Variants in NARS2 observed in about 807,000 individuals in gnomAD.
The protein encoded by NARS2 is asparaginyl-tRNA synthetase.
In NARS2, 60 loss-of-function variants were observed where a neutral mutation model predicts 62.9. The observed-to-expected ratio is 0.95, with a 90% CI of 0.77 to 1.18. NARS2 has a LOEUF of 1.18. NARS2 is among the 50% of genes most tolerant of loss of function. The probability of loss-of-function intolerance (pLI) is 0.00; values close to 1 mark genes in which losing one functional copy is unlikely to be tolerated. For missense variants in NARS2, 619 were observed against 576.4 expected, an observed-to-expected ratio of 1.07 and a Z score of -0.76; for synonymous variants, 196 against 200.0, an observed-to-expected ratio of 0.98 and a Z score of 0.17.
intron 6 of NARS2, among the ~76,000 whole-genome samples, chr11:78,526,586 C>T (rs1861301091): frequency 6.6e-6 from 1 of 152,094 alleles, no homozygotes; most frequent in South Asian, 2.1e-4. Context: ...AAACTAGGAA[C>T]ATTTGAATGA....
At chr11:78,511,104 G>A (rs989910555) in intron 6 of NARS2, among the ~76,000 whole-genome samples, 2 of 152,022 alleles carry the variant, frequency 1.3e-5, no homozygotes, top group African/African-American at 4.8e-5. Flanking sequence ...TTCAGACAGG[G>A]TCTTATTCTA....
intron 6 of NARS2, among the ~76,000 whole-genome samples, chr11:78,504,802 G>A (rs945647627): frequency 7.9e-5 from 12 of 151,950 alleles, no homozygotes; most frequent in South Asian, 2.1e-4. Context: ...TAATCTGTTC[G>A]TATCTATCAA....
intron 3 of NARS2, 76 bp downstream of exon 3, chr11:78,568,556 T>C: frequency 6.8e-7 from 1 of 1,469,162 alleles, no homozygotes; most frequent in East Asian, 2.3e-5. Flanking sequence ...TTCATCTTCC[T>C]AATAATCACA....
At chr11:78,482,981 A>G (rs552542745) in intron 7 of NARS2, among the ~76,000 whole-genome samples, 110 of 152,324 alleles carry the variant, frequency 7.2e-4, no homozygotes, top group African/African-American at 2.6e-3. Flanking sequence ...ATCAATACGA[A>G]AATCCTTAAT....
intron 6 of NARS2, among the ~76,000 whole-genome samples, chr11:78,522,280 A>T (rs879665209): frequency 2.0e-5 from 3 of 152,092 alleles, no homozygotes; most frequent in Non-Finnish European, 4.4e-5. Context: ...TCTAATGATG[A>T]TGGTAAAATT....
intron 5 of NARS2, among the ~76,000 whole-genome samples, chr11:78,541,194 T>C (rs1211256436): frequency 6.6e-6 from 1 of 152,180 alleles, no homozygotes; most frequent in Non-Finnish European, 1.5e-5. Flanking sequence ...TTCCCTCTTG[T>C]AAAAGATGCT....
intron 4 of NARS2, among the ~76,000 whole-genome samples, chr11:78,561,376 T>C (rs756820240): frequency 1.3e-5 from 2 of 152,194 alleles, no homozygotes; most frequent in Non-Finnish European, 2.9e-5. Context: ...GTGCCTCAAA[T>C]AGGTTTCCAG....
intron 7 of NARS2, among the ~76,000 whole-genome samples, 154 bp downstream of exon 7, chr11:78,492,909 A>G (rs1345669318): frequency 6.6e-6 from 1 of 152,212 alleles, no homozygotes; most frequent in East Asian, 1.9e-4. Context: ...ATTTTAAACT[A>G]TTACAGTAAA....
intron 6 of NARS2, among the ~76,000 whole-genome samples, chr11:78,510,015 A>G (rs1860660230): frequency 6.6e-6 from 1 of 152,096 alleles, no homozygotes; most frequent in African/African-American, 2.4e-5. Context: ...AGAAATTTAA[A>G]TGTTTCCCTA....
At chr11:78,474,541 T>C (rs1044934582) in intron 9 of NARS2, among the ~76,000 whole-genome samples, 1 of 152,174 alleles carries the variant, frequency 6.6e-6, no homozygotes, top group Non-Finnish European at 1.5e-5. Context: ...CCTCAGTGAC[T>C]GAAATAAATA....
At chr11:78,442,997 TGA>T (rs1224799225) in intron 12 of NARS2, among the ~76,000 whole-genome samples, 1 of 152,066 alleles carries the variant, frequency 6.6e-6, no homozygotes, top group Non-Finnish European at 1.5e-5. Context: ...CAATCATAAT[TGA>T]GAGTAAATAA....
At chr11:78,550,018 G>A (rs925036744) in intron 5 of NARS2, among the ~76,000 whole-genome samples, 15 of 152,148 alleles carry the variant, frequency 9.9e-5, no homozygotes, top group African/African-American at 3.4e-4. Context: ...CATAAAAGAC[G>A]TCCAACATCC....
In NARS2 at chr11:78,493,182, C is replaced by T. The variant is rs529341026; in HGVS notation, c.703G>A (p.Val235Met). 1.2e-6 allele frequency: 2 copies of T among 1,613,200 alleles called. No individual in the cohort carries two copies. Among genetic ancestry groups the T allele is most frequent in the Non-Finnish European group, 1.7e-6 (2 of 1,179,798 alleles). ...LEVMSGAFTQ[V>M]FTFGPTFRAE... is the part of the protein sequence containing the mutation. ...CGGAAGGTCGGACCAAAGGTAAACA[C>T]TTGAGTAAAAGCTCTGCAATTCAAG... is the stretch of plus-strand genomic sequence containing the variant. Residue 235 changes from valine (V) to methionine (M), a missense_variant, in exon 7 of 14, where the codon GTG becomes ATG. By Grantham distance (21) the Val-to-Met change is conservative. Transcript: ENST00000281038.
At position 78,478,496 on chromosome 11, in the gene NARS2, G is replaced by C. The variant is rs1348404561; in HGVS notation, c.922-21C>G. 7 of 1,214,278 alleles carry C rather than the reference G, an allele frequency of 5.8e-6. No individual in the cohort carries two copies. In the African/African-American group the frequency reaches 9.3e-5, roughly 16 times the overall value. 75.2% of individuals were successfully genotyped at this position (1,214,278 alleles called of 1,614,324 possible). A position where few individuals can be genotyped will look rare whatever the true frequency, so the allele number is the denominator to read the frequency against. Reference sequence around the variant, plus strand: ...CTGTCCTTAATAAAAAGACAAAAAAGAAAATTTTAAAAATATAATTTTATT... The same window carrying C: ...CTGTCCTTAATAAAAAGACAAAAAACAAAATTTTAAAAATATAATTTTATT... On this transcript the variant is annotated intron_variant, in intron 8 of 13. Coordinates refer to ENST00000281038, the MANE Select transcript of NARS2 (RefSeq NM_024678.6).
intron 6 of NARS2, among the ~76,000 whole-genome samples, chr11:78,503,852 G>A (rs1283224440): frequency 1.3e-5 from 2 of 152,128 alleles, no homozygotes; most frequent in Non-Finnish European, 2.9e-5. Context: ...GGAGGAGGAG[G>A]AGAAGGAAGA....
At chr11:78,488,448 T>C (rs1018715432) in intron 7 of NARS2, among the ~76,000 whole-genome samples, 2 of 152,054 alleles carry the variant, frequency 1.3e-5, no homozygotes, top group Admixed American at 6.6e-5. Flanking sequence ...CTCTAGAAAA[T>C]GGAAGAGGCA....
rs112211244 is a variant in NARS2 at position 78,504,152 on chromosome 11, T to C, written c.690-10957A>G. Among the ~76,000 whole-genome samples, 1,320 of 152,310 alleles carry C rather than the reference T, an allele frequency of 8.7e-3. 28 individuals are homozygous for C. Among genetic ancestry groups the C allele is most frequent in the African/African-American group, 0.031 (1,269 of 41,556 alleles). On this transcript the variant is annotated intron_variant, in intron 6 of 13. Coordinates refer to ENST00000281038, the MANE Select transcript of NARS2 (RefSeq NM_024678.6). ...ATACTATCTGCCTAAAATTCAAATT[T>C]TTCCACTGAACTTCACACCATATTG...
chr11:78,467,407 C>T (rs750214261), intron 10 of NARS2, among the ~76,000 whole-genome samples: 7 of 152,056 alleles, frequency 4.6e-5, no homozygotes, highest in East Asian at 1.9e-4. Flanking sequence ...CCTGGTGGCA[C>T]GCACCTGTAG....
At position 78,498,930 on chromosome 11, in the gene NARS2, G is replaced by A. The variant is rs576737760; in HGVS notation, c.690-5735C>T. On this transcript the variant is annotated intron_variant, in intron 6 of 13. Transcript: ENST00000281038. ...TTTTTTTTTTTTGAGATGGAGTCTC[G>A]CTCTGTCACCCAGACTGGATGACAC... Among the ~76,000 whole-genome samples the A allele has an allele frequency of 5.9e-3, 232 of 39,340 alleles. 3 individuals are homozygous for A. The highest frequency in any genetic ancestry group is 0.015 in the African/African-American group (188 of 12,356). The allele number at this position is 39,340 out of a possible 152,430, so 25.8% of individuals were successfully genotyped here.
Sources: gnomAD v4.1 joint callset for allele counts (sites outside exome capture counted in the v4.1 genomes callset) on GRCh38, gnomAD v4.1.1 for gene constraint, MANE v1.5 for transcripts, NCBI Gene and HGNC (gene_info 2026-07-23, HGNC 2026-07-21) for gene names.